Variants in MCM8 observed in about 807,000 individuals in gnomAD.
MCM8 encodes the protein minichromosome maintenance 8 homologous recombination repair factor.
In MCM8, 85 loss-of-function variants were observed where a neutral mutation model predicts 98.9. That is an observed-to-expected ratio of 0.86 (90% CI 0.72 to 1.03). The LOEUF is 1.03. Ranked by LOEUF, MCM8 falls within the 50% of genes least tolerant of loss-of-function variation. The pLI, the probability that MCM8 is intolerant of heterozygous loss-of-function variation, is 0.00. For missense variants in MCM8, 951 were observed against 997.8 expected, an observed-to-expected ratio of 0.95 and a Z score of 0.63; for synonymous variants, 352 against 338.6, an observed-to-expected ratio of 1.04 and a Z score of -0.44.
At chr20:5,985,168 T>C (rs865894817) in intron 15 of MCM8, among the ~76,000 whole-genome samples, 168 bp downstream of exon 15, 1 of 152,122 alleles carries the variant, frequency 6.6e-6, no homozygotes, top group Non-Finnish European at 1.5e-5. Context: ...CAAGTCGGCC[T>C]GGCGTGGTGG....
intron 12 of MCM8, 103 bp from the exon 13 acceptor site, chr20:5,977,773 T>C: frequency 8.0e-7 from 1 of 1,253,154 alleles, no homozygotes; most frequent in Non-Finnish European, 1.1e-6. Flanking sequence ...ACTAAAGCTC[T>C]TAAAAGAATA....
At position 5,995,205 on chromosome 20, in the gene MCM8, TA is replaced by T. The variant is rs1378017387; in HGVS notation, c.*815del. 2 of 152,710 alleles carry T rather than the reference TA, an allele frequency of 1.3e-5. No individual in the cohort carries two copies. The highest frequency in any genetic ancestry group is 4.8e-5 in the African/African-American group (2 of 41,462). 9.5% of individuals were successfully genotyped at this position (152,710 alleles called of 1,614,324 possible). A position where few individuals can be genotyped will look rare whatever the true frequency, so the allele number is the denominator to read the frequency against. ...ATACAAAATACTTGAGTTTTGTTTTTAGCTATTTAATAATAGGTCTCATTTA... is the reference window on the plus strand; with the variant it reads ...ATACAAAATACTTGAGTTTTGTTTTTGCTATTTAATAATAGGTCTCATTTA... On this transcript the variant is annotated 3_prime_UTR_variant, in exon 19 of 19. Coordinates refer to ENST00000610722, the MANE Select transcript of MCM8 (RefSeq NM_032485.6).
intron 14 of MCM8, among the ~76,000 whole-genome samples, chr20:5,984,201 C>T (rs2122801028): frequency 6.6e-6 from 1 of 152,068 alleles, no homozygotes. Context: ...AAAATTAGAG[C>T]CTTAAGCCTA....
rs11472210 is a variant in MCM8, at chr20:5,994,478, GACACACACACACAC to G, written c.*119_*132del. 869 of 384,394 alleles carry G rather than the reference GACACACACACACAC, an allele frequency of 2.3e-3. 8 individuals are homozygous for G. The highest frequency in any genetic ancestry group is 0.014 in the African/African-American group (590 of 43,256). 23.8% of individuals were successfully genotyped at this position (384,394 alleles called of 1,614,324 possible). ...ATATGCGTGCACGCACAGACAGACA[GACACACACACACAC>G]ACACACACACACACACACACACACA... On this transcript the variant is annotated 3_prime_UTR_variant, in exon 19 of 19. Coordinates refer to ENST00000610722, the MANE Select transcript of MCM8 (RefSeq NM_032485.6).
chr20:5,990,869 C>T (rs956287110), intron 17 of MCM8: 1 of 152,212 alleles, frequency 6.6e-6, no homozygotes, highest in African/African-American at 2.4e-5. Flanking sequence ...CTTGCTTTCT[C>T]TGCATCCTGC....
In MCM8 at chr20:5,977,587, T is replaced by G. The variant is rs140282637; in HGVS notation, c.1396-289T>G. ...AATGAAGCATAAATTGGAATTGTGT[T>G]GAGTATTTATATGACCACAGACTTC... On this transcript the variant is annotated intron_variant, in intron 12 of 18. Transcript: ENST00000610722. Among the ~76,000 whole-genome samples, 447 of 152,328 alleles carry G rather than the reference T, an allele frequency of 2.9e-3. 7 individuals carry two copies. The highest frequency in any genetic ancestry group is 0.01 in the African/African-American group (436 of 41,558).
At chr20:5,954,182 G>A (rs1171967064) in intron 3 of MCM8, among the ~76,000 whole-genome samples, 3 of 152,118 alleles carry the variant, frequency 2.0e-5, no homozygotes, top group Admixed American at 2.0e-4. Flanking sequence ...TGCCACCAGG[G>A]TCAAGTGTTG....
At chr20:5,961,502 T>C (rs2089142713) in intron 7 of MCM8, among the ~76,000 whole-genome samples, 1 of 152,240 alleles carries the variant, frequency 6.6e-6, no homozygotes, top group African/African-American at 2.4e-5. Context: ...GAAGAGGGTA[T>C]GTGAGATTCA....
chr20:5,992,251 A>C (rs1457476544), intron 17 of MCM8, among the ~76,000 whole-genome samples: 1 of 152,184 alleles, frequency 6.6e-6, no homozygotes, highest in African/African-American at 2.4e-5. Context: ...ACTTCTGGCA[A>C]GTCACTTTAA....
rs1204770022 is a variant in MCM8 at position 5,955,167 on chromosome 20, A to G, written c.402A>G (p.Val134=). 1.2e-6 allele frequency: 2 copies of G among 1,613,618 alleles called. No individual in the cohort carries two copies. Among genetic ancestry groups the G allele is most frequent in the South Asian group, 1.1e-5 (1 of 91,034 alleles). ...DFKELTEGGE[V]TNLIPDIATE... ...AAGAACTGACAGAAGGTGGTGAAGT[A>G]ACTAACTTGATACCAGATATAGCAA... The change falls in exon 5 of 19, where the codon GTA becomes GTG. Residue 134 remains valine (V), a synonymous_variant. Transcript: ENST00000610722.
intron 14 of MCM8, among the ~76,000 whole-genome samples, chr20:5,984,346 A>G (rs1316765121): frequency 3.3e-5 from 5 of 152,230 alleles, no homozygotes; most frequent in Admixed American, 2.6e-4. Context: ...TCAACCTACT[A>G]GTAGTTTTTC....
At chr20:5,966,927 A>G (rs1167681682) in intron 8 of MCM8, among the ~76,000 whole-genome samples, 2 of 152,158 alleles carry the variant, frequency 1.3e-5, no homozygotes, top group East Asian at 1.9e-4. Flanking sequence ...ACCTTCTCCA[A>G]AAATTCTCAA....
chr20:5,985,051 G>T, intron 15 of MCM8, 51 bp downstream of exon 15: 1 of 1,468,094 alleles, frequency 6.8e-7, no homozygotes, highest in South Asian at 1.2e-5. Flanking sequence ...GAATGTCAAA[G>T]TTCAGTGTGT....
chr20:5,975,921 C>G (rs2089502019), intron 12 of MCM8, among the ~76,000 whole-genome samples: 1 of 151,934 alleles, frequency 6.6e-6, no homozygotes, highest in African/African-American at 2.4e-5. Flanking sequence ...TGGAATAATG[C>G]CTTTGGCTCA....
At chr20:5,978,094 A>C (rs895796550) in intron 13 of MCM8, 77 bp downstream of exon 13, 109 of 1,547,938 alleles carry the variant, frequency 7.0e-5, no homozygotes, top group Non-Finnish European at 9.3e-5. Flanking sequence ...ATTTCTTTAC[A>C]TTCTGTTTAA....
chr20:5,996,317 A>C lies in MCM8; in HGVS notation c.*1926A>C, dbSNP rs2089956988. ...AATGGAGAAAGTAGATAGTAGTATAAATATAGTGAAGTCTTTAAAAGCTAG... is the reference window on the plus strand; with the variant it reads ...AATGGAGAAAGTAGATAGTAGTATACATATAGTGAAGTCTTTAAAAGCTAG... On this transcript the variant is annotated 3_prime_UTR_variant, in exon 19 of 19. Coordinates refer to ENST00000610722, the MANE Select transcript of MCM8 (RefSeq NM_032485.6). 6.6e-6 allele frequency: 1 copy of C among 151,758 alleles called. No homozygotes were observed. The highest frequency in any genetic ancestry group is 2.1e-4 in the South Asian group (1 of 4,824). 9.4% of individuals were successfully genotyped at this position (151,758 alleles called of 1,614,324 possible).
intron 17 of MCM8, among the ~76,000 whole-genome samples, chr20:5,989,805 C>CTT (rs750649808): frequency 2.2e-4 from 34 of 152,194 alleles, no homozygotes; most frequent in Admixed American, 4.6e-4. Flanking sequence ...GTTTCCTGCC[C>CTT]TTAGAGGGAG....
At chr20:5,961,342 A>C (rs1408164827) in intron 7 of MCM8, among the ~76,000 whole-genome samples, 1 of 152,214 alleles carries the variant, frequency 6.6e-6, no homozygotes, top group Non-Finnish European at 1.5e-5. Flanking sequence ...CGTTATCACC[A>C]TTGGGCTTTA....
rs891269911 is a variant in MCM8, at chr20:5,962,620, C to T, written c.790-654C>T. 2.9e-4 allele frequency among the ~76,000 whole-genome samples: 20 copies of T among 68,250 alleles called. 3 individuals are homozygous for T. Among genetic ancestry groups the T allele is most frequent in the African/African-American group, 3.8e-4 (1 of 2,604 alleles). 44.8% of individuals were successfully genotyped at this position (68,250 alleles called of 152,430 possible). A position where few individuals can be genotyped will look rare whatever the true frequency, so the allele number is the denominator to read the frequency against. On this transcript the variant is annotated intron_variant, in intron 7 of 18. Coordinates refer to ENST00000610722, the MANE Select transcript of MCM8 (RefSeq NM_032485.6). ...CGATCTCCCGACCTCATGATCCACC[C>T]GCCTCGGCCTCCCAAAGTGCTGGGA...
Sources: gnomAD v4.1 joint callset for allele counts (sites outside exome capture counted in the v4.1 genomes callset) on GRCh38, gnomAD v4.1.1 for gene constraint, MANE v1.5 for transcripts, NCBI Gene and HGNC (gene_info 2026-07-23, HGNC 2026-07-21) for gene names.